The following SEC23A variants were observed in gnomAD, a reference collection of about 807,000 sequenced individuals.
SEC23A encodes the protein SEC23 homolog A, COPII component.
A neutral mutation model predicts 103.7 loss-of-function variants in SEC23A; 56 were observed. The observed-to-expected ratio is 0.54, with a 90% CI of 0.44 to 0.67. The LOEUF (loss-of-function observed/expected upper bound fraction) is 0.67. Ranked by LOEUF, SEC23A falls within the 30% of genes least tolerant of loss-of-function variation. The probability of loss-of-function intolerance (pLI) is 0.00; values close to 1 mark genes in which losing one functional copy is unlikely to be tolerated. For missense variants in SEC23A, 784 were observed against 936.4 expected (o/e 0.84, Z 2.12); for synonymous variants, 281 against 293.0 (o/e 0.96, Z 0.42).
rs1297326337 is a variant in SEC23A, at chr14:39,067,187, T to A, written c.1213A>T (p.Thr405Ser). ...HGQFKMGFGG[T>S]LEIKTSREIK... ...TTGGTTCTTACCTTTATTTCTAGCG[T>A]ACCACCAAAGCCCATTTTAAACTGT... Residue 405 changes from threonine (T) to serine (S), a missense_variant, in exon 10 of 20, where the codon ACG becomes TCG. Around this residue, in one of 2 missense-constraint regions of SEC23A, gnomAD observed 683 missense variants for 774.2 expected, o/e 0.88. Coordinates refer to ENST00000307712, the MANE Select transcript of SEC23A (RefSeq NM_006364.4). 1.2e-6 allele frequency: 2 copies of A among 1,613,854 alleles called. No individual in the cohort carries two copies.
chr14:39,085,642 G>A (rs1280319789), intron 7 of SEC23A, 120 bp downstream of exon 7: 3 of 1,184,866 alleles, frequency 2.5e-6, no homozygotes, highest in East Asian at 5.0e-5. Context: ...TGAGAGAATA[G>A]GGAGGAAAAA....
chr14:39,098,257 A>G (rs1406411296), intron 1 of SEC23A, among the ~76,000 whole-genome samples: 1 of 152,148 alleles, frequency 6.6e-6, no homozygotes, highest in Non-Finnish European at 1.5e-5. Context: ...GTGGCAATAA[A>G]GAAAAAACAA....
intron 19 of SEC23A, among the ~76,000 whole-genome samples, chr14:39,036,251 G>A (rs900905475): frequency 1.0e-4 from 15 of 148,842 alleles, no homozygotes; most frequent in African/African-American, 3.8e-4. Context: ...GAACCCAGGA[G>A]GCAGAGGTTG....
chr14:39,078,331 C>A (rs1391027368), intron 7 of SEC23A, among the ~76,000 whole-genome samples: 1 of 152,042 alleles, frequency 6.6e-6, no homozygotes, highest in Non-Finnish European at 1.5e-5. Flanking sequence ...TTGAGGAATT[C>A]AAACAATAAA....
rs1886700598 is a variant in SEC23A, at chr14:39,067,247, T to C, written c.1153A>G (p.Thr385Ala). ...TCTTTGGTAAAGACTCTTTGAAAAG[T>C]TTGTTTGAATAAGGAAGTATTGAAA... ...DSFNTSLFKQTFQRVFTKDMH... is the reference protein window; with the variant it reads ...DSFNTSLFKQAFQRVFTKDMH... The change falls in exon 10 of 20, where the codon ACT becomes GCT. Residue 385 changes from threonine (T) to alanine (A), a missense_variant. By Grantham distance (58) the Thr-to-Ala change is moderately conservative (BLOSUM62 0). Coordinates refer to ENST00000307712, the MANE Select transcript of SEC23A (RefSeq NM_006364.4). 3.1e-6 allele frequency: 5 copies of C among 1,613,728 alleles called. No individual in the cohort carries two copies. The highest frequency in any genetic ancestry group is 4.2e-6 in the Non-Finnish European group (5 of 1,179,820).
intron 2 of SEC23A, among the ~76,000 whole-genome samples, chr14:39,094,317 TGC>T (rs1341475209): frequency 0.029 from 1,722 of 59,298 alleles, 80 homozygotes; most frequent in East Asian, 0.037. Context: ...TACATATATA[TGC>T]ATATATACAC....
chr14:39,076,422 G>C lies in SEC23A; in HGVS notation c.829-329C>G, dbSNP rs528346309. Among the ~76,000 whole-genome samples the C allele has an allele frequency of 4.7e-5, 7 of 149,388 alleles. No individual in the cohort carries two copies. The East Asian group carries it at 1.4e-3, about 29-fold the overall frequency. On this transcript the variant is annotated intron_variant, in intron 7 of 19. Coordinates refer to ENST00000307712, the MANE Select transcript of SEC23A (RefSeq NM_006364.4). The stretch of plus-strand genomic sequence containing the variant: ...TGAACATCTTCTTTTGTTTTGTTTT[G>C]GGTTTTTAATTTTTTTTTTTTTTTT...
At chr14:39,095,796 T>C (rs1385283499) in intron 2 of SEC23A, 102 bp downstream of exon 2, 3 of 960,638 alleles carry the variant, frequency 3.1e-6, no homozygotes, top group Non-Finnish European at 4.8e-6. Context: ...TTGAAAAAAT[T>C]AGTATGAACA....
chr14:39,086,935 GA>G lies in SEC23A; in HGVS notation c.676del (p.Ser226ProfsTer11). On this transcript the variant is annotated frameshift_variant, in exon 6 of 20. Coordinates refer to ENST00000307712, the MANE Select transcript of SEC23A (RefSeq NM_006364.4). LOFTEE classifies it high-confidence loss of function. ...RGPQVQQPPP[S>X]NRFLQPVQKI... is the part of the protein sequence containing the mutation. The stretch of plus-strand genomic sequence containing the variant: ...TCTTCATCATATTTATTACCTGTTG[GA>G]AGGAGGTGGCTGCTGTACCTGAGGA... 1 of 1,579,112 alleles carries G rather than the reference GA, an allele frequency of 6.3e-7. No homozygotes were observed. Among genetic ancestry groups the G allele is most frequent in the Non-Finnish European group, 8.7e-7 (1 of 1,148,104 alleles).
At chr14:39,092,732 G>T in intron 3 of SEC23A, 105 bp from the exon 4 acceptor site, 2 of 677,258 alleles carry the variant, frequency 3.0e-6, no homozygotes, top group Non-Finnish European at 5.1e-6. Context: ...TTTTAAAAAG[G>T]CATTTTCATT....
At chr14:39,085,708 A>C in intron 7 of SEC23A, 54 bp downstream of exon 7, 2 of 1,586,124 alleles carry the variant, frequency 1.3e-6, no homozygotes, top group Non-Finnish European at 1.7e-6. Context: ...ACACACACAC[A>C]CACACACACA....
At chr14:39,065,890 C>T (rs760874250) in intron 10 of SEC23A, among the ~76,000 whole-genome samples, 87 of 149,242 alleles carry the variant, frequency 5.8e-4, no homozygotes, top group Admixed American at 1.0e-3. Context: ...CCCAGCTACT[C>T]GGGAGGGTGA....
intron 5 of SEC23A, chr14:39,088,866 C>T (rs1887555583): frequency 6.6e-6 from 1 of 151,338 alleles, no homozygotes; most frequent in Non-Finnish European, 1.5e-5. Flanking sequence ...AACCTTGTCT[C>T]TACTAAAAAA....
In SEC23A at chr14:39,085,817, T is replaced by C. The variant is rs1455611143; in HGVS notation, c.773A>G (p.Lys258Arg). 5 of 1,613,930 alleles carry C rather than the reference T, an allele frequency of 3.1e-6. No individual in the cohort carries two copies. Among genetic ancestry groups the C allele is most frequent in the African/African-American group, 2.7e-5 (2 of 74,896 alleles). ...CACCCCAGAGGAACGCAAAGGTCTC[T>C]TTCCCTGTGGTACAGGCCAAGGGTC... ...QRDPWPVPQG[K>R]RPLRSSGVAL... The change falls in exon 7 of 20, where the codon AAG becomes AGG. Residue 258 changes from lysine (K) to arginine (R), a missense_variant. Lys to Arg is a conservative substitution (Grantham distance 26). Around this residue, in one of 2 missense-constraint regions of SEC23A, gnomAD observed 683 missense variants for 774.2 expected, o/e 0.88. Transcript: ENST00000307712.
chr14:39,084,320 C>A (rs1433391710), intron 7 of SEC23A, among the ~76,000 whole-genome samples: 1 of 152,114 alleles, frequency 6.6e-6, no homozygotes, highest in South Asian at 2.1e-4. Flanking sequence ...ACCACCGCAC[C>A]CAGCCACTAT....
chr14:39,052,065 C>T (rs924392289), intron 14 of SEC23A, among the ~76,000 whole-genome samples: 16 of 151,832 alleles, frequency 1.1e-4, no homozygotes, highest in African/African-American at 3.9e-4. Flanking sequence ...AATAGAAAAG[C>T]AAACACCACA....
In SEC23A at chr14:39,076,096, AT is replaced by A; in HGVS notation, c.829-4del. 1 of 1,604,528 alleles carries A rather than the reference AT, an allele frequency of 6.2e-7. No homozygotes were observed. The highest frequency in any genetic ancestry group is 8.5e-7 in the Non-Finnish European group (1 of 1,174,024). On this transcript the variant is annotated splice_polypyrimidine_tract_variant and splice_region_variant and intron_variant, in intron 7 of 19. Coordinates refer to ENST00000307712, the MANE Select transcript of SEC23A (RefSeq NM_006364.4). ...GCACCAGTGTTGGGAAAAGTACACT[AT>A]TAAAAAAAAAGTCAAGAGTTTAAAA...
chr14:39,043,950 T>C (rs575796602), intron 16 of SEC23A, among the ~76,000 whole-genome samples: 8 of 152,124 alleles, frequency 5.3e-5, no homozygotes, highest in Admixed American at 5.2e-4. Flanking sequence ...CAAATAACTT[T>C]TTTGAGTTCA....
At chr14:39,042,710 T>C (rs1885688226) in intron 17 of SEC23A, 76 bp downstream of exon 17, 3 of 884,050 alleles carry the variant, frequency 3.4e-6, no homozygotes, top group East Asian at 2.4e-5. Flanking sequence ...ACACTAGCCA[T>C]ACAATTAGAA....
Sources: allele counts gnomAD v4.1 joint callset (sites outside exome capture counted in the v4.1 genomes callset), GRCh38; gene constraint gnomAD v4.1.1; regional missense constraint gnomAD v4.1.1; transcripts MANE v1.5; gene names NCBI Gene and HGNC (gene_info 2026-07-23, HGNC 2026-07-21).